Variants in FOXP1 observed in about 807,000 individuals in gnomAD.
FOXP1 encodes the protein forkhead box protein P1.
A neutral mutation model predicts 98.2 loss-of-function variants in FOXP1; 15 were observed. The ratio of observed to expected loss-of-function variants is 0.15; its 90% CI spans 0.10 to 0.24. The LOEUF (loss-of-function observed/expected upper bound fraction) is 0.24, where lower values mean the gene tolerates loss of function less well. Among genes scored for constraint, FOXP1 ranks in the 10% least tolerant of loss-of-function variants. FOXP1 has a pLI of 1.00. For synonymous variants in FOXP1, 371 were observed against 314.5 expected, an observed-to-expected ratio of 1.18 and a Z score of -1.90; for missense variants, 633 against 848.5, an observed-to-expected ratio of 0.75 and a Z score of 3.15.
intron 6 of FOXP1, among the ~76,000 whole-genome samples, chr3:71,179,201 T>G (rs1040898955): frequency 4.9e-5 from 7 of 143,956 alleles, no homozygotes; most frequent in Non-Finnish European, 9.0e-5. Context: ...CAACCTCAGC[T>G]CACTGCAACC....
intron 5 of FOXP1, among the ~76,000 whole-genome samples, chr3:71,291,754 T>C (rs914520813): frequency 6.9e-6 from 1 of 145,316 alleles, no homozygotes; most frequent in African/African-American, 2.5e-5. Context: ...CACACCAGGC[T>C]GGAGTGCAGT....
chr3:71,308,987 A>C (rs1046488310), intron 4 of FOXP1, among the ~76,000 whole-genome samples: 2 of 152,114 alleles, frequency 1.3e-5, no homozygotes, highest in African/African-American at 4.8e-5. Flanking sequence ...AATTCTACCA[A>C]ATGTCAACGA....
intron 11 of FOXP1, among the ~76,000 whole-genome samples, chr3:71,016,270 A>G (rs954977354): frequency 1.3e-5 from 2 of 152,154 alleles, no homozygotes; most frequent in African/African-American, 4.8e-5. Context: ...CAACAGTGAG[A>G]GAAAATTTGG....
At chr3:71,043,243 T>C (rs2106906146) in intron 10 of FOXP1, among the ~76,000 whole-genome samples, 1 of 152,290 alleles carries the variant, frequency 6.6e-6, no homozygotes, top group Non-Finnish European at 1.5e-5. Context: ...TCGGTTTTCT[T>C]CTCCCTTCAT....
chr3:71,320,572 T>C (rs530247294), intron 4 of FOXP1, among the ~76,000 whole-genome samples: 74 of 152,276 alleles, frequency 4.9e-4, no homozygotes, highest in Admixed American at 1.4e-3. Flanking sequence ...CTGTTATCTA[T>C]TCCCTTTGTA....
chr3:71,234,007 T>C (rs2066563453), intron 5 of FOXP1, among the ~76,000 whole-genome samples: 1 of 152,172 alleles, frequency 6.6e-6, no homozygotes, highest in South Asian at 2.1e-4. Context: ...CTGGTTTTTA[T>C]ACAACCCACA....
chr3:71,558,281 C>T (rs1036835492), intron 2 of FOXP1, among the ~76,000 whole-genome samples: 2 of 152,284 alleles, frequency 1.3e-5, no homozygotes, highest in African/African-American at 4.8e-5. Context: ...CGTGCCCCTT[C>T]CCTAACAGGG....
intron 6 of FOXP1, among the ~76,000 whole-genome samples, chr3:71,115,313 ATTAT>A (rs1412074354): frequency 8.2e-6 from 1 of 121,790 alleles, no homozygotes; most frequent in Non-Finnish European, 1.7e-5. Flanking sequence ...TATTATTATT[ATTAT>A]TTTATTTATT....
intron 2 of FOXP1, among the ~76,000 whole-genome samples, chr3:71,547,061 A>G (rs937051454): frequency 6.6e-6 from 1 of 152,322 alleles, no homozygotes; most frequent in East Asian, 1.9e-4. Context: ...TTCTAACACA[A>G]CTGTCACTGC....
chr3:71,261,479 A>G (rs775030618), intron 5 of FOXP1, among the ~76,000 whole-genome samples: 6 of 152,028 alleles, frequency 3.9e-5, no homozygotes, highest in Non-Finnish European at 5.9e-5. Flanking sequence ...CGATAGTTAG[A>G]CCAAAATATT....
Position 71,359,192 on chromosome 3 carries a change from T to A in FOXP1, c.-115A>T, listed in dbSNP as rs1265724546. On this transcript the variant is annotated 5_prime_UTR_variant, in exon 4 of 21. The change abolishes the stop of an existing upstream ORF in the 5' untranslated region. Coordinates refer to ENST00000649528, the MANE Select transcript of FOXP1 (RefSeq NM_001349338.3). ...TCTCACAGCCATAAAAAGCCTGGGG[T>A]CACTGGGAGGGGGCATGCATAATGC... 6.6e-6 allele frequency: 1 copy of A among 152,028 alleles called. No homozygotes were observed. Among genetic ancestry groups the A allele is most frequent in the Non-Finnish European group, 1.5e-5 (1 of 68,046 alleles). The allele number at this position is 152,028 out of a possible 1,614,324, so 9.4% of individuals were successfully genotyped here.
chr3:71,119,540 T>C (rs1007727809), intron 6 of FOXP1, among the ~76,000 whole-genome samples: 6 of 152,190 alleles, frequency 3.9e-5, no homozygotes, highest in African/African-American at 1.4e-4. Flanking sequence ...GGAACATTAG[T>C]AGGAAAGGAG....
At position 71,149,230 on chromosome 3, in the gene FOXP1, T is replaced by C. The variant is rs942162167; in HGVS notation, c.181-36593A>G. Among the ~76,000 whole-genome samples the C allele has an allele frequency of 6.6e-5, 10 of 152,294 alleles. No individual in the cohort carries two copies. In the South Asian group the frequency reaches 8.3e-4, roughly 13 times the overall value. ...AAGGGTTGCCTGTCTGCGTGGGCTA[T>C]GGGAGGAAAGGCAAGTTATAAGTAA... On this transcript the variant is annotated intron_variant, in intron 6 of 20. Coordinates refer to ENST00000649528, the MANE Select transcript of FOXP1 (RefSeq NM_001349338.3).
At chr3:71,249,462 G>A (rs565745902) in intron 5 of FOXP1, among the ~76,000 whole-genome samples, 1 of 152,326 alleles carries the variant, frequency 6.6e-6, no homozygotes, top group African/African-American at 2.4e-5. Flanking sequence ...GCAAAATGCA[G>A]GCTGTTATTA....
chr3:70,966,194 T>TGAAA (rs1454603750), intron 19 of FOXP1, 138 bp from the exon 20 acceptor site: 7 of 857,034 alleles, frequency 8.2e-6, no homozygotes, highest in Non-Finnish European at 1.3e-5. Context: ...TAAGAGGTGT[T>TGAAA]GAAAGATTTT....
chr3:71,509,907 G>A (rs1023357519), intron 2 of FOXP1, among the ~76,000 whole-genome samples: 4 of 152,070 alleles, frequency 2.6e-5, no homozygotes, highest in East Asian at 1.9e-4. Context: ...GGCCAGGCAC[G>A]GTGGCTCACG....
At chr3:71,556,558 CAG>C (rs1272382942) in intron 2 of FOXP1, among the ~76,000 whole-genome samples, 4 of 112,490 alleles carry the variant, frequency 3.6e-5, no homozygotes, top group Non-Finnish European at 6.5e-5. Flanking sequence ...GGCTGGGCGA[CAG>C]AGCGAGACTC....
At chr3:71,127,516 C>G (rs1328443107) in intron 6 of FOXP1, among the ~76,000 whole-genome samples, 1 of 152,210 alleles carries the variant, frequency 6.6e-6, no homozygotes, top group Admixed American at 6.5e-5. Flanking sequence ...CACCTCCTCC[C>G]TCCCCCAACC....
At chr3:71,345,197 G>A (rs1439306537) in intron 4 of FOXP1, among the ~76,000 whole-genome samples, 1 of 152,070 alleles carries the variant, frequency 6.6e-6, no homozygotes, top group Non-Finnish European at 1.5e-5. Flanking sequence ...AGATCATACT[G>A]GCCAACATGG....
Sources: gnomAD v4.1 joint callset for allele counts (sites outside exome capture counted in the v4.1 genomes callset) on GRCh38, gnomAD v4.1.1 for gene constraint, MANE v1.5 for transcripts, NCBI Gene and HGNC (gene_info 2026-07-23, HGNC 2026-07-21) for gene names.